PDE8B: variants seen among roughly 807,000 people sequenced by gnomAD.
PDE8B encodes high affinity cAMP-specific and IBMX-insensitive 3',5'-cyclic phosphodiesterase 8B.
PDE8B carries 26 observed loss-of-function variants against 101.3 expected under a neutral mutation model. The observed-to-expected ratio is 0.26, with a 90% CI of 0.19 to 0.36. The LOEUF (loss-of-function observed/expected upper bound fraction) is 0.36. Among genes scored for constraint, PDE8B ranks in the 10% least tolerant of loss-of-function variants. PDE8B has a pLI of 1.00. For missense variants in PDE8B, 810 were observed against 1,163.1 expected, an observed-to-expected ratio of 0.70 and a Z score of 4.42; for synonymous variants, 424 against 429.3, an observed-to-expected ratio of 0.99 and a Z score of 0.15.
chr5:77,372,901 C>T (rs772392645), intron 10 of PDE8B, among the ~76,000 whole-genome samples: 7 of 152,216 alleles, frequency 4.6e-5, no homozygotes, highest in East Asian at 1.9e-4. Context: ...AGCGGCGTGC[C>T]GCTATAATCC....
the PDE8B span, among the ~76,000 whole-genome samples, chr5:77,142,769 C>CT: frequency 7.8e-3 from 1,131 of 144,330 alleles, 13 homozygotes; most frequent in African/African-American, 0.022. Context: ...TTCATGTAAT[C>CT]TTTTTTTTTT....
chr5:77,143,819 C>T, the PDE8B span: 1 of 151,236 alleles, frequency 6.6e-6, no homozygotes, highest in African/African-American at 2.4e-5. Flanking sequence ...TCTCAAGCTC[C>T]CAAGCCTCAA....
At chr5:77,413,936 G>A (rs1422812094) in intron 17 of PDE8B, among the ~76,000 whole-genome samples, 1 of 152,162 alleles carries the variant, frequency 6.6e-6, no homozygotes. Flanking sequence ...GCTGGCAAGA[G>A]ATCCCCATCT....
rs139815444 is a variant in PDE8B, at chr5:77,424,214, C to T, written c.2419-1553C>T. The stretch of plus-strand genomic sequence containing the variant: ...AAAGCTGCTCATCAATGGGCTTCCC[C>T]GGACCCACAGAGAGAGGACCTGACG... On this transcript the variant is annotated intron_variant, in intron 20 of 21. Coordinates refer to ENST00000264917, the MANE Select transcript of PDE8B (RefSeq NM_003719.5). Among the ~76,000 whole-genome samples the T allele has an allele frequency of 2.8e-3, 427 of 152,104 alleles. 3 individuals are homozygous for T. Among genetic ancestry groups the T allele is most frequent in the Middle Eastern group, 0.01 (3 of 294 alleles).
intron 1 of PDE8B, among the ~76,000 whole-genome samples, chr5:77,215,511 A>T (rs974075377): frequency 1.3e-5 from 2 of 152,230 alleles, no homozygotes; most frequent in African/African-American, 4.8e-5. Context: ...CAGTAGTTCC[A>T]TGAATTTTTA....
chr5:77,346,863 T>C (rs757320065), intron 7 of PDE8B, among the ~76,000 whole-genome samples: 3 of 152,250 alleles, frequency 2.0e-5, no homozygotes, highest in Non-Finnish European at 4.4e-5. Context: ...AAATTACCTA[T>C]GTGCTATAAA....
the PDE8B span, among the ~76,000 whole-genome samples, chr5:77,097,706 T>TATATATATATATATATATATATATATA: frequency 5.1e-5 from 1 of 19,646 alleles, no homozygotes; most frequent in Non-Finnish European, 1.1e-4. Flanking sequence ...TATATATATA[T>TATATATATATATATATATATATATATA]CTATATATAT....
At chr5:77,153,889 A>G in the PDE8B span, among the ~76,000 whole-genome samples, 1,267 of 152,250 alleles carry the variant, frequency 8.3e-3, 15 homozygotes, top group African/African-American at 0.029. Context: ...TGTACTTTTA[A>G]AAAAATGTTG....
At chr5:77,325,802 C>T (rs919367640) in intron 3 of PDE8B, 73 bp downstream of exon 3, 9 of 1,027,422 alleles carry the variant, frequency 8.8e-6, no homozygotes, top group African/African-American at 1.6e-5. Flanking sequence ...TTATAGATAT[C>T]TTTAGTTTAT....
intron 1 of PDE8B, among the ~76,000 whole-genome samples, chr5:77,214,990 G>T (rs1561356827): frequency 6.6e-6 from 1 of 152,184 alleles, no homozygotes; most frequent in African/African-American, 2.4e-5. Flanking sequence ...AGAGTGCATA[G>T]TACCACACTG....
At chr5:77,097,701 A>ATCTATATATATC in the PDE8B span, among the ~76,000 whole-genome samples, 10 of 21,642 alleles carry the variant, frequency 4.6e-4, no homozygotes, top group African/African-American at 1.3e-3. Context: ...ATCTATATAT[A>ATCTATATATATC]TATATCTATA....
intron 1 of PDE8B, among the ~76,000 whole-genome samples, chr5:77,279,519 T>G (rs1764542428): frequency 6.6e-6 from 1 of 152,188 alleles, no homozygotes; most frequent in South Asian, 2.1e-4. Context: ...TCCCCGTCAA[T>G]CCTCTTTTTT....
chr5:77,421,577 T>G (rs561078345), intron 19 of PDE8B, among the ~76,000 whole-genome samples: 29 of 146,402 alleles, frequency 2.0e-4, no homozygotes, highest in Admixed American at 1.6e-3. Flanking sequence ...GACAGGGACT[T>G]TCAACTTTCA....
the PDE8B span, among the ~76,000 whole-genome samples, chr5:77,128,137 A>G: frequency 2.0e-5 from 3 of 152,092 alleles, no homozygotes; most frequent in African/African-American, 7.2e-5. Context: ...TTGCCTCCAT[A>G]TTGTCCAAGG....
At chr5:77,185,112 T>G in the PDE8B span, among the ~76,000 whole-genome samples, 4 of 152,216 alleles carry the variant, frequency 2.6e-5, no homozygotes, top group African/African-American at 9.6e-5. Flanking sequence ...TACAGTCTTT[T>G]GGTAAGAACT....
chr5:77,252,298 T>G (rs991145879), intron 1 of PDE8B, among the ~76,000 whole-genome samples: 7 of 152,238 alleles, frequency 4.6e-5, no homozygotes, highest in Non-Finnish European at 2.9e-5. Context: ...TCCTTTAGCC[T>G]CCTTTTACCC....
intron 2 of PDE8B, among the ~76,000 whole-genome samples, chr5:77,313,302 A>T (rs1171610737): frequency 6.6e-6 from 1 of 152,196 alleles, no homozygotes; most frequent in Non-Finnish European, 1.5e-5. Flanking sequence ...AAAGGAAAAA[A>T]AAAAAGGAAG....
intron 10 of PDE8B, among the ~76,000 whole-genome samples, chr5:77,388,341 C>T (rs1008807560): frequency 1.3e-5 from 2 of 152,138 alleles, no homozygotes; most frequent in African/African-American, 4.8e-5. Context: ...TGCTACAGGT[C>T]TCCTGGAGTT....
chr5:77,098,059 T>C, the PDE8B span, among the ~76,000 whole-genome samples: 1 of 151,890 alleles, frequency 6.6e-6, no homozygotes, highest in East Asian at 2.0e-4. Context: ...AGGATGCAGA[T>C]AATTTGAGGG....
Sources: gnomAD v4.1 joint callset for allele counts (sites outside exome capture counted in the v4.1 genomes callset) on GRCh38, gnomAD v4.1.1 for gene constraint, MANE v1.5 for transcripts, NCBI Gene and HGNC (gene_info 2026-07-23, HGNC 2026-07-21) for gene names.